The following DENND1A variants were observed in gnomAD, a reference collection of about 807,000 sequenced individuals.
The protein encoded by DENND1A is DENN domain containing 1A.
DENND1A carries 51 observed loss-of-function variants against 113.7 expected under a neutral mutation model. The ratio of observed to expected loss-of-function variants is 0.45; its 90% CI spans 0.36 to 0.57. The LOEUF (loss-of-function observed/expected upper bound fraction) is 0.57. Ranked by LOEUF, DENND1A falls within the 20% of genes least tolerant of loss-of-function variation. The probability of loss-of-function intolerance (pLI) is 0.00; values close to 1 mark genes in which losing one functional copy is unlikely to be tolerated. For synonymous variants in DENND1A, 565 were observed against 570.8 expected (o/e 0.99, Z 0.14); for missense variants, 1,258 against 1,395.9 (o/e 0.90, Z 1.57).
At chr9:123,887,758 G>A (rs1213288616) in intron 1 of DENND1A, among the ~76,000 whole-genome samples, 3 of 151,984 alleles carry the variant, frequency 2.0e-5, no homozygotes, top group Non-Finnish European at 4.4e-5. Flanking sequence ...AGAAGGAGGC[G>A]AGCATGCACA....
Position 123,381,708 on chromosome 9 carries a change from C to T in DENND1A, c.2937G>A (p.Pro979=), listed in dbSNP as rs1396883060. ...LQPLGPPAVA[P]SRIRTLPLAR... is the part of the protein sequence containing the mutation. ...CCAGGGGCAACGTTCGGATCCTCGA[C>T]GGGGCAACTGCTGGGGGACCCAGCG... The change falls in exon 24 of 24, where the codon CCG becomes CCA. Residue 979 remains proline (P), a synonymous_variant. Coordinates refer to ENST00000394215, the MANE Select transcript of DENND1A (RefSeq NM_001352964.2). This position sits in a 1 kb window ranked among gnomAD's most constrained non-coding sequence, Gnocchi z 4.7. The T allele has an allele frequency of 3.2e-6, 5 of 1,546,396 alleles. No homozygotes were observed. The highest frequency in any genetic ancestry group is 1.2e-5 in the South Asian group (1 of 83,286).
At chr9:123,486,080 T>C (rs1365027291) in intron 13 of DENND1A, among the ~76,000 whole-genome samples, 1 of 152,184 alleles carries the variant, frequency 6.6e-6, no homozygotes, top group Non-Finnish European at 1.5e-5. Flanking sequence ...AAGAGATCGA[T>C]GGATTTTGGC....
At chr9:123,870,505 G>A (rs651924) in intron 2 of DENND1A, among the ~76,000 whole-genome samples, 12,820 of 148,002 alleles carry the variant, frequency 0.087, 913 homozygotes, top group African/African-American at 0.2. Context: ...GGCGTGATCT[G>A]GGTTCACTGC....
At chr9:123,864,389 C>A (rs1391598100) in intron 2 of DENND1A, among the ~76,000 whole-genome samples, 3 of 152,192 alleles carry the variant, frequency 2.0e-5, no homozygotes, top group Non-Finnish European at 4.4e-5. Flanking sequence ...TTTAGTGACA[C>A]AAATTCCCAT....
chr9:123,806,795 A>G (rs769997044), intron 2 of DENND1A, among the ~76,000 whole-genome samples: 10 of 152,190 alleles, frequency 6.6e-5, no homozygotes, highest in Non-Finnish European at 1.5e-4. Flanking sequence ...GCATATAAAT[A>G]CTGAATGAAA....
chr9:123,435,934 G>A (rs1158640968), intron 19 of DENND1A, among the ~76,000 whole-genome samples: 2 of 152,216 alleles, frequency 1.3e-5, no homozygotes, highest in South Asian at 2.1e-4. Context: ...CAGTGCTCAC[G>A]GATGTGAAAG....
chr9:123,727,014 G>A (rs902617621), intron 5 of DENND1A, among the ~76,000 whole-genome samples: 1 of 152,228 alleles, frequency 6.6e-6, no homozygotes, highest in Non-Finnish European at 1.5e-5. Flanking sequence ...AGGTGACTCT[G>A]AAGCTCAGTG....
At chr9:123,627,062 C>CGGTGGGGAG (rs2061255942) in intron 10 of DENND1A, among the ~76,000 whole-genome samples, 1 of 152,208 alleles carries the variant, frequency 6.6e-6, no homozygotes, top group Non-Finnish European at 1.5e-5. Flanking sequence ...CAATGCATCC[C>CGGTGGGGAG]CATCCCTGAG....
At chr9:123,622,568 G>A (rs371894667) in intron 10 of DENND1A, among the ~76,000 whole-genome samples, 1 of 152,146 alleles carries the variant, frequency 6.6e-6, no homozygotes, top group Admixed American at 6.5e-5. Context: ...AAATCTCGGT[G>A]ATGGGCACAA....
At chr9:123,677,556 T>C (rs2064161550) in intron 5 of DENND1A, among the ~76,000 whole-genome samples, 1 of 152,102 alleles carries the variant, frequency 6.6e-6, no homozygotes, top group Admixed American at 6.5e-5. Context: ...GCCTCAGCCT[T>C]CTGAGTAGCT....
intron 5 of DENND1A, among the ~76,000 whole-genome samples, chr9:123,713,424 A>C (rs1288695657): frequency 6.6e-6 from 1 of 152,212 alleles, no homozygotes; most frequent in Non-Finnish European, 1.5e-5. Flanking sequence ...GGCAGATAAG[A>C]GATTTCACTA....
intron 13 of DENND1A, among the ~76,000 whole-genome samples, chr9:123,493,433 G>A (rs1426149169): frequency 6.6e-6 from 1 of 152,190 alleles, no homozygotes; most frequent in Non-Finnish European, 1.5e-5. Context: ...GCGGTGCAGC[G>A]GGTCCGGATG....
chr9:123,715,186 A>C (rs865901442), intron 5 of DENND1A, among the ~76,000 whole-genome samples: 1 of 151,914 alleles, frequency 6.6e-6, no homozygotes, highest in Non-Finnish European at 1.5e-5. Flanking sequence ...TCTCCAAAAA[A>C]AATAATAATA....
chr9:123,757,955 G>T, intron 4 of DENND1A, 133 bp from the exon 5 acceptor site: 1 of 1,036,186 alleles, frequency 9.7e-7, no homozygotes, highest in Non-Finnish European at 1.3e-6. Context: ...CACATTTCAA[G>T]GGAACAGACT....
intron 5 of DENND1A, among the ~76,000 whole-genome samples, chr9:123,713,278 GGA>G (rs1164318486): frequency 2.0e-5 from 3 of 152,228 alleles, no homozygotes; most frequent in Admixed American, 6.5e-5. Context: ...ATGAAAGTCT[GGA>G]GATCACCTGA....
chr9:123,630,083 C>T (rs112447480), intron 10 of DENND1A, among the ~76,000 whole-genome samples: 13 of 151,984 alleles, frequency 8.6e-5, no homozygotes, highest in African/African-American at 2.4e-4. Flanking sequence ...CTCTGTTGCC[C>T]GGGATGGAGT....
chr9:123,734,361 A>G (rs1405217728), intron 5 of DENND1A, among the ~76,000 whole-genome samples: 1 of 152,144 alleles, frequency 6.6e-6, no homozygotes, highest in Non-Finnish European at 1.5e-5. Context: ...TTTCTTTATC[A>G]GAGTTCAATA....
intron 12 of DENND1A, among the ~76,000 whole-genome samples, chr9:123,560,003 T>C (rs902681951): frequency 8.5e-6 from 1 of 118,320 alleles, no homozygotes; most frequent in East Asian, 2.1e-4. Context: ...TCGTCCATGT[T>C]GTAGCATTGT....
intron 5 of DENND1A, among the ~76,000 whole-genome samples, chr9:123,744,677 T>C (rs2069320125): frequency 6.6e-6 from 1 of 152,110 alleles, no homozygotes; most frequent in Non-Finnish European, 1.5e-5. Flanking sequence ...ATCTCACCTA[T>C]GACAATTGGT....
Sources: allele counts gnomAD v4.1 joint callset (sites outside exome capture counted in the v4.1 genomes callset), GRCh38; gene constraint gnomAD v4.1.1; non-coding constraint Gnocchi (gnomAD v3.1); transcripts MANE v1.5; gene names NCBI Gene and HGNC (gene_info 2026-07-23, HGNC 2026-07-21).